KCNC2: variants seen among roughly 807,000 people sequenced by gnomAD.
The protein encoded by KCNC2 is potassium voltage-gated channel subfamily C member 2.
A neutral mutation model predicts 44.5 loss-of-function variants in KCNC2; 21 were observed. The ratio of observed to expected loss-of-function variants is 0.47; its 90% CI spans 0.33 to 0.68. The LOEUF (loss-of-function observed/expected upper bound fraction) is 0.68. KCNC2 is among the 30% of genes least tolerant of loss of function. The pLI, the probability that KCNC2 is intolerant of heterozygous loss-of-function variation, is 0.01. For synonymous variants in KCNC2, 391 were observed against 339.1 expected, an observed-to-expected ratio of 1.15 and a Z score of -1.68; for missense variants, 589 against 826.2, an observed-to-expected ratio of 0.71 and a Z score of 3.52.
At chr12:75,189,162 A>G (rs1159996328) in intron 2 of KCNC2, among the ~76,000 whole-genome samples, 2 of 152,216 alleles carry the variant, frequency 1.3e-5, no homozygotes, top group Non-Finnish European at 2.9e-5. Context: ...TTAGCCAAGA[A>G]TCAGTCCACC....
chr12:75,043,054 A>C lies in KCNC2; in HGVS notation c.*51T>G, dbSNP rs773500088. ...TAATTATTTCCATTATGGGGTAAACAGCACTTGAATTAATACAATTTAGCC... is the reference window on the plus strand; with the variant it reads ...TAATTATTTCCATTATGGGGTAAACCGCACTTGAATTAATACAATTTAGCC... On this transcript the variant is annotated 3_prime_UTR_variant, in exon 5 of 5. Transcript: ENST00000549446. 8 of 1,605,704 alleles carry C rather than the reference A, an allele frequency of 5.0e-6. 1 individual carries two copies. In the South Asian group the frequency reaches 8.9e-5, roughly 18 times the overall value.
chr12:75,106,698 T>A (rs933152070), intron 2 of KCNC2, among the ~76,000 whole-genome samples: 1 of 152,190 alleles, frequency 6.6e-6, no homozygotes, highest in South Asian at 2.1e-4. Context: ...ACCACTCTTA[T>A]TAATAGAGCA....
intron 2 of KCNC2, among the ~76,000 whole-genome samples, chr12:75,081,434 T>A (rs1458611): frequency 0.93 from 136,244 of 146,622 alleles, 63,375 homozygotes; most frequent in East Asian, 1. Flanking sequence ...TTGCCTTTGA[T>A]GCCCTTGTGG....
At chr12:75,148,975 G>A (rs1264837526) in intron 2 of KCNC2, among the ~76,000 whole-genome samples, 1 of 149,956 alleles carries the variant, frequency 6.7e-6, no homozygotes, top group Non-Finnish European at 1.5e-5. Flanking sequence ...AAATGAGTGT[G>A]AGCATCTTTT....
chr12:75,165,541 A>C (rs1334741409), intron 2 of KCNC2, among the ~76,000 whole-genome samples: 1 of 151,458 alleles, frequency 6.6e-6, no homozygotes, highest in Non-Finnish European at 1.5e-5. Flanking sequence ...TTATTTAATA[A>C]GTTATTTTTT....
intron 2 of KCNC2, among the ~76,000 whole-genome samples, chr12:75,189,995 A>G (rs1272079988): frequency 6.6e-6 from 1 of 152,230 alleles, no homozygotes; most frequent in Non-Finnish European, 1.5e-5. Flanking sequence ...GATTTTGAAC[A>G]TTAGCCTACC....
chr12:75,097,519 A>G (rs1329855233), intron 2 of KCNC2, among the ~76,000 whole-genome samples: 1 of 152,160 alleles, frequency 6.6e-6, no homozygotes, highest in African/African-American at 2.4e-5. Context: ...ATATATAATA[A>G]TTCTGTATTT....
chr12:75,202,827 A>G (rs926991957), intron 2 of KCNC2, among the ~76,000 whole-genome samples: 1 of 150,780 alleles, frequency 6.6e-6, no homozygotes, highest in African/African-American at 2.4e-5. Flanking sequence ...TATTTTTAAC[A>G]CCTCTAGAAT....
chr12:75,098,627 T>C (rs1289765034), intron 2 of KCNC2, among the ~76,000 whole-genome samples: 4 of 151,928 alleles, frequency 2.6e-5, no homozygotes, highest in African/African-American at 9.7e-5. Flanking sequence ...GGCATGGTGG[T>C]GGACACCTGT....
intron 1 of KCNC2, among the ~76,000 whole-genome samples, chr12:75,208,502 C>T (rs1281107800): frequency 6.6e-6 from 1 of 151,918 alleles, no homozygotes; most frequent in Non-Finnish European, 1.5e-5. Context: ...CTCCCCTTCC[C>T]CTAGCTTGGA....
At chr12:75,075,482 TAC>T (rs869072600) in intron 2 of KCNC2, among the ~76,000 whole-genome samples, 3 of 127,256 alleles carry the variant, frequency 2.4e-5, no homozygotes, top group East Asian at 5.1e-4. Context: ...TATATATATA[TAC>T]ACATATATAT....
chr12:75,071,976 T>A (rs754867775), intron 2 of KCNC2, among the ~76,000 whole-genome samples: 15 of 139,332 alleles, frequency 1.1e-4, no homozygotes, highest in South Asian at 2.3e-4. Context: ...AGTTAACTCT[T>A]CATAAAAGCG....
At chr12:75,119,192 A>G (rs1286936482) in intron 2 of KCNC2, among the ~76,000 whole-genome samples, 1 of 152,198 alleles carries the variant, frequency 6.6e-6, no homozygotes, top group Admixed American at 6.5e-5. Flanking sequence ...AATATTATAC[A>G]CAATGGGGTA....
At chr12:75,075,472 TATATATATATACAC>T (rs1408497493) in intron 2 of KCNC2, among the ~76,000 whole-genome samples, 1 of 148,036 alleles carries the variant, frequency 6.8e-6, no homozygotes, top group Non-Finnish European at 1.5e-5. Flanking sequence ...TATATATATA[TATATATATATACAC>T]ATATATATAT....
At chr12:75,172,892 TG>T (rs1234582181) in intron 2 of KCNC2, among the ~76,000 whole-genome samples, 1 of 151,852 alleles carries the variant, frequency 6.6e-6, no homozygotes, top group Non-Finnish European at 1.5e-5. Context: ...AACTTCCTGA[TG>T]GGAACCAACT....
intron 2 of KCNC2, among the ~76,000 whole-genome samples, chr12:75,094,307 A>C (rs1229806774): frequency 1.3e-5 from 2 of 151,698 alleles, no homozygotes; most frequent in Non-Finnish European, 3.0e-5. Context: ...TTAGAAATGG[A>C]CCTCCATAAA....
intron 2 of KCNC2, among the ~76,000 whole-genome samples, chr12:75,193,622 C>A (rs990177282): frequency 1.3e-5 from 2 of 152,066 alleles, no homozygotes; most frequent in Admixed American, 6.6e-5. Context: ...ATCTAAGGTA[C>A]CTTCATATTT....
chr12:75,149,024 G>A (rs1198550492), intron 2 of KCNC2, among the ~76,000 whole-genome samples: 1 of 150,878 alleles, frequency 6.6e-6, no homozygotes, highest in African/African-American at 2.4e-5. Context: ...GAATCATAGA[G>A]GAAATTGAAA....
intron 2 of KCNC2, among the ~76,000 whole-genome samples, chr12:75,146,211 C>T (rs547363693): frequency 6.6e-6 from 1 of 152,218 alleles, no homozygotes; most frequent in South Asian, 2.1e-4. Context: ...GCCTTGGCCT[C>T]CCAAAGTGTT....
Sources: gnomAD v4.1 joint callset for allele counts (sites outside exome capture counted in the v4.1 genomes callset) on GRCh38, gnomAD v4.1.1 for gene constraint, MANE v1.5 for transcripts, NCBI Gene and HGNC (gene_info 2026-07-23, HGNC 2026-07-21) for gene names.